SNX31: variants seen among roughly 807,000 people sequenced by gnomAD.
SNX31 encodes the protein sorting nexin 31.
SNX31 carries 58 observed loss-of-function variants against 65.4 expected under a neutral mutation model. That is an observed-to-expected ratio of 0.89 (90% CI 0.72 to 1.10). The LOEUF (loss-of-function observed/expected upper bound fraction) is 1.10, where lower values mean the gene tolerates loss of function less well. Among genes scored for constraint, SNX31 ranks in the 50% least tolerant of loss-of-function variants. The pLI, the probability that SNX31 is intolerant of heterozygous loss-of-function variation, is 0.00. For missense variants in SNX31, 523 were observed against 529.7 expected (o/e 0.99, Z 0.12); for synonymous variants, 181 against 190.1 (o/e 0.95, Z 0.39).
Position 100,622,685 on chromosome 8 carries a change from TAAATAAATAA to T in SNX31, c.322-4965_322-4956del, listed in dbSNP as rs1347248582. ...ATAAGTAAATAAATAAATAAATAAA[TAAATAAATAA>T]AAATAAAAATAAATTAAATGGGGGC... On this transcript the variant is annotated intron_variant, in intron 4 of 13. Coordinates refer to ENST00000311812, the MANE Select transcript of SNX31 (RefSeq NM_152628.4). The surrounding 1 kb of genome is among the most constrained non-coding windows in gnomAD (Gnocchi z 5.0). Among the ~76,000 whole-genome samples the T allele has an allele frequency of 9.7e-4, 145 of 149,680 alleles. No homozygotes were observed. The highest frequency in any genetic ancestry group is 4.9e-3 in the Admixed American group (74 of 15,130).
In SNX31 at chr8:100,618,103, C is replaced by G. The variant is rs113406108; in HGVS notation, c.322-373G>C. 3.6e-5 allele frequency: 35 copies of G among 985,338 alleles called. No individual in the cohort carries two copies. The African/African-American group carries it at 4.2e-4, about 12-fold the overall frequency. 61.0% of individuals were successfully genotyped at this position (985,338 alleles called of 1,614,324 possible). A position where few individuals can be genotyped will look rare whatever the true frequency, so the allele number is the denominator to read the frequency against. On this transcript the variant is annotated intron_variant, in intron 4 of 13. Coordinates refer to ENST00000311812, the MANE Select transcript of SNX31 (RefSeq NM_152628.4). ...TTTAAAGCTGCACCATTGCAGCAAGCGAACAATCCACAGCTTCCTTTTTTG... is the reference window on the plus strand; with the variant it reads ...TTTAAAGCTGCACCATTGCAGCAAGGGAACAATCCACAGCTTCCTTTTTTG...
intron 10 of SNX31, among the ~76,000 whole-genome samples, chr8:100,591,407 T>C (rs1179920590): frequency 2.0e-5 from 3 of 146,658 alleles, no homozygotes; most frequent in African/African-American, 7.7e-5. Flanking sequence ...GAGAACGGCT[T>C]GAACCCGGGA....
At position 100,613,125 on chromosome 8, in the gene SNX31, T is replaced by G; in HGVS notation, c.433-40A>C. On this transcript the variant is annotated intron_variant, in intron 5 of 13. Coordinates refer to ENST00000311812, the MANE Select transcript of SNX31 (RefSeq NM_152628.4). The surrounding 1 kb of genome is among the most constrained non-coding windows in gnomAD (Gnocchi z 5.2). ...AAGCAGAAAGGGAAAAAGTTAGGTGTGCCCACCATGCATCCTAACTGTGAC... is the reference window on the plus strand; with the variant it reads ...AAGCAGAAAGGGAAAAAGTTAGGTGGGCCCACCATGCATCCTAACTGTGAC... The G allele has an allele frequency of 6.7e-7, 1 of 1,491,644 alleles. No individual in the cohort carries two copies. The highest frequency in any genetic ancestry group is 9.4e-7 in the Non-Finnish European group (1 of 1,068,830). 92.4% of individuals were successfully genotyped at this position (1,491,644 alleles called of 1,614,324 possible).
intron 2 of SNX31, among the ~76,000 whole-genome samples, chr8:100,645,280 C>G (rs894781017): frequency 4.6e-5 from 7 of 152,208 alleles, no homozygotes; most frequent in African/African-American, 1.7e-4. Context: ...CCCAAACACA[C>G]ACACAGATGG....
At chr8:100,600,645 A>G (rs1815539735) in intron 8 of SNX31, among the ~76,000 whole-genome samples, 3 of 151,596 alleles carry the variant, frequency 2.0e-5, no homozygotes, top group Admixed American at 2.0e-4. Context: ...CTTGGCAAAA[A>G]AGAAAATAAA....
At chr8:100,631,033 C>G (rs981817844) in intron 3 of SNX31, among the ~76,000 whole-genome samples, 31 of 152,122 alleles carry the variant, frequency 2.0e-4, no homozygotes, top group African/African-American at 7.5e-4. Context: ...GGTGATCTGC[C>G]TGCCTTGGCC....
At chr8:100,636,996 C>T (rs1489479878) in intron 2 of SNX31, among the ~76,000 whole-genome samples, 1 of 152,182 alleles carries the variant, frequency 6.6e-6, no homozygotes, top group Non-Finnish European at 1.5e-5. Flanking sequence ...GCTGGGATTA[C>T]AGGCGTGAGC....
rs879772520 is a variant in SNX31 at position 100,613,872 on chromosome 8, C to T, written c.433-787G>A. Among the ~76,000 whole-genome samples the T allele has an allele frequency of 1.2e-4, 18 of 152,084 alleles. No individual in the cohort carries two copies. The highest frequency in any genetic ancestry group is 2.4e-4 in the Non-Finnish European group (16 of 68,012). ...CAGCCCCTATTTAACACTGGGCTCT[C>T]GAGTAATTTCTTTATACTCCTGGTC... On this transcript the variant is annotated intron_variant, in intron 5 of 13. Transcript: ENST00000311812. The surrounding 1 kb of genome is among the most constrained non-coding windows in gnomAD (Gnocchi z 5.2).
rs1168772721 is a variant in SNX31, at chr8:100,612,804, CG to C, written c.523+190del. Among the ~76,000 whole-genome samples the C allele has an allele frequency of 2.0e-5, 3 of 152,184 alleles. No individual in the cohort carries two copies. The highest frequency in any genetic ancestry group is 7.2e-5 in the African/African-American group (3 of 41,516). On this transcript the variant is annotated intron_variant, in intron 6 of 13. Transcript: ENST00000311812. This position sits in a 1 kb window ranked among gnomAD's most constrained non-coding sequence, Gnocchi z 4.3. ...GTTACTGGACCACCCAAGGTATGAGCGGTTTGCCCCCACTCTCCCCTAACAA... is the reference window on the plus strand; with the variant it reads ...GTTACTGGACCACCCAAGGTATGAGCGTTTGCCCCCACTCTCCCCTAACAA...
In SNX31 at chr8:100,617,535, G is replaced by A; in HGVS notation, c.432+85C>T. ...TAAAACAACAGGCCAGAAGCTCCTG[G>A]AAGGTAACCGTATCCCATTCTCTGC... On this transcript the variant is annotated intron_variant, in intron 5 of 13. Coordinates refer to ENST00000311812, the MANE Select transcript of SNX31 (RefSeq NM_152628.4). 3 of 921,610 alleles carry A rather than the reference G, an allele frequency of 3.3e-6. No homozygotes were observed. The South Asian group carries it at 4.7e-5, about 14-fold the overall frequency. 57.1% of individuals were successfully genotyped at this position (921,610 alleles called of 1,614,324 possible). A position where few individuals can be genotyped will look rare whatever the true frequency, so the allele number is the denominator to read the frequency against.
At chr8:100,587,803 A>G (rs1012093019) in intron 11 of SNX31, among the ~76,000 whole-genome samples, 2 of 152,222 alleles carry the variant, frequency 1.3e-5, no homozygotes, top group Admixed American at 6.5e-5. Flanking sequence ...TCATGTTTAG[A>G]CTTGGGTCCC....
chr8:100,585,819 A>G (rs1346971595), intron 11 of SNX31, among the ~76,000 whole-genome samples: 2 of 152,242 alleles, frequency 1.3e-5, no homozygotes, highest in Non-Finnish European at 2.9e-5. Flanking sequence ...CAATGTACAC[A>G]AGTACATAGG....
chr8:100,582,434 C>CTTT (rs1016225939), intron 12 of SNX31: 2 of 152,182 alleles, frequency 1.3e-5, no homozygotes, highest in Non-Finnish European at 2.9e-5. Flanking sequence ...TTATATTACT[C>CTTT]TTTTAAAAAG....
At chr8:100,583,374 G>A (rs969933242) in intron 12 of SNX31, among the ~76,000 whole-genome samples, 11 of 151,774 alleles carry the variant, frequency 7.2e-5, no homozygotes, top group African/African-American at 2.4e-4. Context: ...TGAAGTGCTG[G>A]GATTACAGGC....
intron 9 of SNX31, among the ~76,000 whole-genome samples, chr8:100,599,092 A>G (rs1375686202): frequency 6.6e-6 from 1 of 152,264 alleles, no homozygotes; most frequent in East Asian, 1.9e-4. Context: ...CAGTACATGT[A>G]GATGCTTTGA....
At chr8:100,597,949 T>C (rs1212946896) in intron 9 of SNX31, among the ~76,000 whole-genome samples, 1 of 152,264 alleles carries the variant, frequency 6.6e-6, no homozygotes, top group Admixed American at 6.5e-5. Context: ...GTATGTGAGA[T>C]GTGCATGTGG....
At chr8:100,617,503 C>T in intron 5 of SNX31, 117 bp downstream of exon 5, 1 of 663,576 alleles carries the variant, frequency 1.5e-6, no homozygotes. Flanking sequence ...GATAATCATC[C>T]ACAGAGTAAA....
chr8:100,640,354 G>C (rs1014224168), intron 2 of SNX31, among the ~76,000 whole-genome samples: 1 of 152,160 alleles, frequency 6.6e-6, no homozygotes, highest in African/African-American at 2.4e-5. Flanking sequence ...TCAAACTCCT[G>C]ACCTCAGGTG....
chr8:100,647,013 G>C (rs1668464174), intron 2 of SNX31, among the ~76,000 whole-genome samples: 1 of 152,100 alleles, frequency 6.6e-6, no homozygotes, highest in African/African-American at 2.4e-5. Context: ...TAGCTCATAA[G>C]GCTATTATAA....
Sources: allele counts gnomAD v4.1 joint callset (sites outside exome capture counted in the v4.1 genomes callset), GRCh38; gene constraint gnomAD v4.1.1; non-coding constraint Gnocchi (gnomAD v3.1); transcripts MANE v1.5; gene names NCBI Gene and HGNC (gene_info 2026-07-23, HGNC 2026-07-21).